The following TSHZ3 variants were observed in gnomAD, a reference collection of about 807,000 sequenced individuals.
TSHZ3 encodes teashirt homolog 3.
In TSHZ3, 10 loss-of-function variants were observed where a neutral mutation model predicts 64.5. The observed-to-expected ratio is 0.16, with a 90% confidence interval of 0.10 to 0.26. TSHZ3 has a LOEUF of 0.26. Ranked by LOEUF, TSHZ3 falls within the 10% of genes least tolerant of loss-of-function variation. TSHZ3 has a pLI of 1.00. For missense variants in TSHZ3, 1,242 were observed against 1,421.7 expected (o/e 0.87, Z 2.03); for synonymous variants, 608 against 593.1 (o/e 1.03, Z -0.36).
At chr19:31,165,349 T>G (rs541323167) in intron 5 of TSHZ3, among the ~76,000 whole-genome samples, 5 of 152,302 alleles carry the variant, frequency 3.3e-5, no homozygotes, top group African/African-American at 1.2e-4. Flanking sequence ...GTGTAGGATT[T>G]TTTCCCCACT....
chr19:31,304,319 A>G (rs1428260662), intron 1 of TSHZ3, among the ~76,000 whole-genome samples: 2 of 152,148 alleles, frequency 1.3e-5, no homozygotes, highest in Non-Finnish European at 2.9e-5. Context: ...GAGGACTCTC[A>G]GAAACTTGCT....
intron 4 of TSHZ3, among the ~76,000 whole-genome samples, chr19:31,221,438 T>C (rs946381174): frequency 6.6e-6 from 1 of 152,060 alleles, no homozygotes; most frequent in African/African-American, 2.4e-5. Flanking sequence ...GATGTGCAGT[T>C]CTCCTTATGT....
At chr19:31,154,512 C>G (rs935885674) in intron 6 of TSHZ3, among the ~76,000 whole-genome samples, 2 of 152,138 alleles carry the variant, frequency 1.3e-5, no homozygotes, top group African/African-American at 4.8e-5. Flanking sequence ...AGGTTCCTGT[C>G]ACATGACCAG....
At chr19:31,195,332 T>A (rs1974970387) in intron 5 of TSHZ3, among the ~76,000 whole-genome samples, 1 of 151,852 alleles carries the variant, frequency 6.6e-6, no homozygotes, top group African/African-American at 2.4e-5. Context: ...AGAAAAATAA[T>A]TCCCCAAAGA....
intron 1 of TSHZ3, among the ~76,000 whole-genome samples, chr19:31,284,855 T>C (rs2145122093): frequency 6.6e-6 from 1 of 152,278 alleles, no homozygotes; most frequent in East Asian, 1.9e-4. Flanking sequence ...ACTCAATACA[T>C]GTCAATGGGA....
At chr19:31,293,884 A>G (rs1976618043) in intron 1 of TSHZ3, among the ~76,000 whole-genome samples, 1 of 152,162 alleles carries the variant, frequency 6.6e-6, no homozygotes, top group Non-Finnish European at 1.5e-5. Context: ...AAGAACCAAC[A>G]AAGACCAAGG....
chr19:31,283,860 CAGGCAAGG>C (rs1380070082), intron 1 of TSHZ3, among the ~76,000 whole-genome samples: 3 of 152,142 alleles, frequency 2.0e-5, no homozygotes, highest in African/African-American at 7.2e-5. Context: ...TGCCCTGGAT[CAGGCAAGG>C]AGGGGAGGAA....
At chr19:31,212,670 C>T (rs1322371084) in intron 4 of TSHZ3, among the ~76,000 whole-genome samples, 1 of 152,116 alleles carries the variant, frequency 6.6e-6, no homozygotes, top group Non-Finnish European at 1.5e-5. Context: ...CAAAATGGAA[C>T]AGCCACTTGG....
chr19:31,207,171 G>T (rs544337965), intron 4 of TSHZ3, among the ~76,000 whole-genome samples: 2 of 152,076 alleles, frequency 1.3e-5, no homozygotes, highest in African/African-American at 2.4e-5. Context: ...TTTAATGAAT[G>T]CATTGAAAAA....
intron 1 of TSHZ3, among the ~76,000 whole-genome samples, chr19:31,314,540 C>T (rs1916552186): frequency 1.3e-5 from 2 of 152,218 alleles, no homozygotes; most frequent in Admixed American, 1.3e-4. Flanking sequence ...GATTTCACAT[C>T]CCCTTGTGAT....
Position 31,278,084 on chromosome 19 carries a change from C to T in TSHZ3, c.1709G>A (p.Ser570Asn), listed in dbSNP as rs774916544. Residue 570 changes from serine (S) to asparagine (N), a missense_variant, in exon 2 of 2, where the codon AGC becomes AAC. Physicochemically the swap from Ser to Asn is conservative, Grantham distance 46. Around this residue, in one of 4 missense-constraint regions of TSHZ3, gnomAD observed 550 missense variants for 545.1 expected, o/e 1.01. Coordinates refer to ENST00000240587, the MANE Select transcript of TSHZ3 (RefSeq NM_020856.4). This position sits in a 1 kb window ranked among gnomAD's most constrained non-coding sequence, Gnocchi z 4.7. ...GCCAAACATGGGTTTCAGGGGCGTG[C>T]TCTTCCCCGACGAGCCCAGGGACAA... ...MKLSLGSSGK[S>N]TPLKPMFGNS... The T allele has an allele frequency of 2.5e-6, 4 of 1,614,142 alleles. No individual in the cohort carries two copies. Among genetic ancestry groups the T allele is most frequent in the Non-Finnish European group, 1.7e-6 (2 of 1,180,018 alleles).
intron 1 of TSHZ3, among the ~76,000 whole-genome samples, chr19:31,314,819 A>C: frequency 6.6e-6 from 1 of 152,160 alleles, no homozygotes; most frequent in South Asian, 2.1e-4. Context: ...AAATAAAAAG[A>C]AGGGGAAGGA....
intron 1 of TSHZ3, among the ~76,000 whole-genome samples, chr19:31,315,011 A>G (rs1392760994): frequency 6.6e-6 from 1 of 152,214 alleles, no homozygotes; most frequent in Non-Finnish European, 1.5e-5. Flanking sequence ...ATGTAATCCC[A>G]AGCAGGGAAT....
intron 1 of TSHZ3, among the ~76,000 whole-genome samples, chr19:31,284,630 G>C (rs190615574): frequency 1.3e-5 from 2 of 152,152 alleles, no homozygotes; most frequent in Admixed American, 6.6e-5. Flanking sequence ...CAGTGAAGTG[G>C]AGAATGCGGG....
intron 1 of TSHZ3, among the ~76,000 whole-genome samples, chr19:31,330,715 G>C (rs569975486): frequency 6.6e-6 from 1 of 151,112 alleles, no homozygotes; most frequent in African/African-American, 2.4e-5. Flanking sequence ...TGGGCGGGGG[G>C]AGGAAAGTCC....
chr19:31,199,696 T>C lies in TSHZ3; in HGVS notation n.809+5260A>G, dbSNP rs1443165966. ...GATATAATGTCAAAGGGATGATCCA[T>C]GAAAGAACTAATTGATAAGCTGGAC... On this transcript the variant is annotated intron_variant and non_coding_transcript_variant, in intron 5 of 6. Transcript: ENST00000651361. Among the ~76,000 whole-genome samples, 3 of 147,056 alleles carry C rather than the reference T, an allele frequency of 2.0e-5. 1 individual carries two copies. Among genetic ancestry groups the C allele is most frequent in the Non-Finnish European group, 4.5e-5 (3 of 67,196 alleles).
chr19:31,306,640 C>CG, intron 1 of TSHZ3, among the ~76,000 whole-genome samples: 1 of 152,238 alleles, frequency 6.6e-6, no homozygotes, highest in Non-Finnish European at 1.5e-5. Context: ...TGGGTCTCTG[C>CG]CATTGCCACC....
At chr19:31,254,389 G>A (rs1348596933) in intron 1 of TSHZ3, among the ~76,000 whole-genome samples, 1 of 152,212 alleles carries the variant, frequency 6.6e-6, no homozygotes, top group Non-Finnish European at 1.5e-5. Context: ...CTGCACAGGT[G>A]CAGTGAAACT....
At chr19:31,181,850 T>A (rs1167332756) in intron 5 of TSHZ3, among the ~76,000 whole-genome samples, 1 of 152,166 alleles carries the variant, frequency 6.6e-6, no homozygotes, top group Non-Finnish European at 1.5e-5. Context: ...TCGTTGTGGA[T>A]GCTTTATTCT....
Sources: allele counts gnomAD v4.1 joint callset (sites outside exome capture counted in the v4.1 genomes callset), GRCh38; gene constraint gnomAD v4.1.1; regional missense constraint gnomAD v4.1.1; non-coding constraint Gnocchi (gnomAD v3.1); transcripts MANE v1.5; gene names NCBI Gene and HGNC (gene_info 2026-07-23, HGNC 2026-07-21).